The following NFXL1 variants were observed in gnomAD, a reference collection of about 807,000 sequenced individuals.
The protein encoded by NFXL1 is nuclear transcription factor, X-box binding like 1, also known as NF-X1-type zinc finger protein NFXL1.
In NFXL1, 66 loss-of-function variants were observed where a neutral mutation model predicts 123.3. The ratio of observed to expected loss-of-function variants is 0.54; its 90% CI spans 0.44 to 0.66. The LOEUF is 0.66. Among genes scored for constraint, NFXL1 ranks in the 30% least tolerant of loss-of-function variants. The pLI is 0.00. For synonymous variants in NFXL1, 346 were observed against 360.8 expected (o/e 0.96, Z 0.46); for missense variants, 944 against 1,125.6 (o/e 0.84, Z 2.31).
Position 47,874,482 on chromosome 4 carries a change from T to G in NFXL1, c.2246+645A>C, listed in dbSNP as rs764067792. Among the ~76,000 whole-genome samples the G allele has an allele frequency of 2.6e-5, 4 of 152,198 alleles. No individual in the cohort carries two copies. The South Asian group carries it at 6.2e-4, about 24-fold the overall frequency. ...GGGAACTGCTAGTGATGCAGTTCAA[T>G]CACACACAATATTTATCAATGATTC... On this transcript the variant is annotated intron_variant, in intron 18 of 22. Transcript: ENST00000507489.
chr4:47,905,616 A>G (rs1346078897), intron 3 of NFXL1, among the ~76,000 whole-genome samples: 1 of 152,142 alleles, frequency 6.6e-6, no homozygotes, highest in Non-Finnish European at 1.5e-5. Flanking sequence ...AGAATTCTCA[A>G]CAAATTTGGC....
chr4:47,907,692 A>G (rs1168393118), intron 3 of NFXL1, among the ~76,000 whole-genome samples: 1 of 152,278 alleles, frequency 6.6e-6, no homozygotes, highest in Non-Finnish European at 1.5e-5. Context: ...GCATAAAAAA[A>G]TTACCATAAC....
At chr4:47,907,163 C>T (rs1341545198) in intron 3 of NFXL1, among the ~76,000 whole-genome samples, 1 of 152,102 alleles carries the variant, frequency 6.6e-6, no homozygotes, top group African/African-American at 2.4e-5. Flanking sequence ...GGAAGTAAAA[C>T]TTAGGAGGAC....
intron 11 of NFXL1, among the ~76,000 whole-genome samples, chr4:47,891,602 T>TA (rs1736772714): frequency 6.6e-6 from 1 of 152,148 alleles, no homozygotes; most frequent in African/African-American, 2.4e-5. Flanking sequence ...TTCAAGTCTA[T>TA]ATTGCCATCT....
chr4:47,900,826 A>G (rs1177851914), intron 5 of NFXL1, among the ~76,000 whole-genome samples: 1 of 152,260 alleles, frequency 6.6e-6, no homozygotes, highest in African/African-American at 2.4e-5. Context: ...AATGCCACAT[A>G]AATACTCAAA....
intron 18 of NFXL1, among the ~76,000 whole-genome samples, chr4:47,872,597 C>T (rs1415379222): frequency 6.6e-6 from 1 of 152,054 alleles, no homozygotes; most frequent in Non-Finnish European, 1.5e-5. Context: ...CATTTTTTGG[C>T]TTCCCAGTGC....
chr4:47,884,412 T>C lies in NFXL1; in HGVS notation c.1850A>G (p.Gln617Arg), dbSNP rs753935224. 6.2e-7 allele frequency: 1 copy of C among 1,611,492 alleles called. No homozygotes were observed. Among genetic ancestry groups the C allele is most frequent in the East Asian group, 2.2e-5 (1 of 44,826 alleles). ...CTGAATAAATGCTGGCTCAGAAGGCTGTTCCCAAGGGCCTGTAGGCTGGTG... is the reference window on the plus strand; with the variant it reads ...CTGAATAAATGCTGGCTCAGAAGGCCGTTCCCAAGGGCCTGTAGGCTGGTG... ...GRHQPTGPWE[Q>R]PSEPAFIQTA... The change falls in exon 15 of 23, where the codon CAG (glutamine) becomes CGG (arginine). Residue 617 changes from glutamine (Q) to arginine (R), a missense_variant. By Grantham distance (43) the Gln-to-Arg change is conservative. Transcript: ENST00000507489.
intron 4 of NFXL1, 58 bp downstream of exon 4, chr4:47,905,178 TA>T: frequency 1.5e-6 from 1 of 674,078 alleles, no homozygotes. Context: ...TTAAGTATTG[TA>T]AGGCAAACTA....
chr4:47,878,558 T>C lies in NFXL1; in HGVS notation c.2046A>G (p.Val682=). ...TTCCAGTGCAGCCATCAGTTTTGGT[T>C]ACTTTGTGGCATTCTTTCATACATG... ...NHTCMKECHK[V]TKTDGCTGKN... Residue 682 remains valine (V), a synonymous_variant, in exon 17 of 23, where the codon GTA becomes GTG. Transcript: ENST00000507489. 1 of 1,602,420 alleles carries C rather than the reference T, an allele frequency of 6.2e-7. No homozygotes were observed. The highest frequency in any genetic ancestry group is 1.1e-5 in the South Asian group (1 of 88,698).
intron 4 of NFXL1, among the ~76,000 whole-genome samples, chr4:47,904,141 C>A (rs1236583905): frequency 1.3e-5 from 2 of 152,098 alleles, no homozygotes; most frequent in Non-Finnish European, 2.9e-5. Flanking sequence ...AAGAAATAAC[C>A]AATGAATGGC....
At chr4:47,905,368 A>G (rs1252749773) in intron 3 of NFXL1, 22 bp from the exon 4 acceptor site, 1 of 1,180,720 alleles carries the variant, frequency 8.5e-7, no homozygotes, top group Non-Finnish European at 1.3e-6. Context: ...AAGATTGAAA[A>G]TCTCACCCTA....
intron 12 of NFXL1, among the ~76,000 whole-genome samples, chr4:47,890,090 C>T (rs907610158): frequency 4.0e-5 from 6 of 151,476 alleles, no homozygotes; most frequent in Admixed American, 6.6e-5. Flanking sequence ...ATTTCAAATA[C>T]AATAAATGTC....
chr4:47,883,958 T>A (rs539406112), intron 15 of NFXL1, among the ~76,000 whole-genome samples: 1 of 152,354 alleles, frequency 6.6e-6, no homozygotes, highest in East Asian at 1.9e-4. Flanking sequence ...CCTTTAAATA[T>A]TCCCCAAGTT....
At chr4:47,883,918 G>A (rs1293226109) in intron 15 of NFXL1, among the ~76,000 whole-genome samples, 1 of 152,138 alleles carries the variant, frequency 6.6e-6, no homozygotes. Context: ...GGCCCATCCA[G>A]GAAACTACTT....
At chr4:47,883,213 C>T (rs1002767519) in intron 15 of NFXL1, among the ~76,000 whole-genome samples, 1 of 151,694 alleles carries the variant, frequency 6.6e-6, no homozygotes, top group Admixed American at 6.6e-5. Flanking sequence ...CCACTGCACT[C>T]TAGCCTGGGT....
At chr4:47,888,230 C>A (rs1364709943) in intron 12 of NFXL1, among the ~76,000 whole-genome samples, 3 of 152,120 alleles carry the variant, frequency 2.0e-5, no homozygotes, top group Non-Finnish European at 4.4e-5. Context: ...GCCGGGATTG[C>A]GCCACTGCAC....
At chr4:47,850,514 CT>C (rs569798223) in intron 22 of NFXL1, among the ~76,000 whole-genome samples, 110 of 152,180 alleles carry the variant, frequency 7.2e-4, no homozygotes, top group African/African-American at 2.6e-3. Flanking sequence ...AGTCAAGCCA[CT>C]CTTTCAAGTG....
At chr4:47,912,890 G>C (rs1242884381) in intron 2 of NFXL1, among the ~76,000 whole-genome samples, 1 of 149,220 alleles carries the variant, frequency 6.7e-6, no homozygotes, top group Admixed American at 6.6e-5. Context: ...GCAGGCGCCT[G>C]TAGTCCCAGC....
At chr4:47,857,004 A>G (rs960286149) in intron 19 of NFXL1, among the ~76,000 whole-genome samples, 1 of 152,198 alleles carries the variant, frequency 6.6e-6, no homozygotes, top group Non-Finnish European at 1.5e-5. Flanking sequence ...ATACGTCTCT[A>G]TATCCTCTTT....
Sources: allele counts gnomAD v4.1 joint callset (sites outside exome capture counted in the v4.1 genomes callset), GRCh38; gene constraint gnomAD v4.1.1; transcripts MANE v1.5; gene names NCBI Gene and HGNC (gene_info 2026-07-23, HGNC 2026-07-21).